WDFY4: variants seen among roughly 807,000 people sequenced by gnomAD.
WDFY4 encodes WDFY family member 4, also known as WD repeat- and FYVE domain-containing protein 4.
In WDFY4, 169 loss-of-function variants were observed where a neutral mutation model predicts 351.9. The ratio of observed to expected loss-of-function variants is 0.48; its 90% CI spans 0.42 to 0.55. The LOEUF (loss-of-function observed/expected upper bound fraction) is 0.55. Among genes scored for constraint, WDFY4 ranks in the 20% least tolerant of loss-of-function variants. The pLI, the probability that WDFY4 is intolerant of heterozygous loss-of-function variation, is 0.00. For synonymous variants in WDFY4, 1,622 were observed against 1,574.6 expected (o/e 1.03, Z -0.71); for missense variants, 3,803 against 3,935.6 (o/e 0.97, Z 0.90).
At chr10:48,766,581 G>T (rs1195949844) in intron 13 of WDFY4, among the ~76,000 whole-genome samples, 1 of 152,012 alleles carries the variant, frequency 6.6e-6, no homozygotes, top group East Asian at 1.9e-4. Context: ...GTGACAGAGT[G>T]AGACCTTGTC....
intron 5 of WDFY4, 34 bp downstream of exon 5, chr10:48,723,601 C>G: frequency 6.4e-7 from 1 of 1,550,522 alleles, no homozygotes; most frequent in Non-Finnish European, 8.7e-7. Flanking sequence ...TTCCCTGGGT[C>G]AAAACCTCAC....
chr10:48,784,661 A>G (rs1419878740), intron 19 of WDFY4, among the ~76,000 whole-genome samples: 1 of 141,442 alleles, frequency 7.1e-6, no homozygotes, highest in Non-Finnish European at 1.5e-5. Flanking sequence ...TCTGCTTCAG[A>G]ATCCAGAGTT....
intron 1 of WDFY4, among the ~76,000 whole-genome samples, chr10:48,690,883 C>T (rs2063175553): frequency 6.6e-6 from 1 of 152,172 alleles, no homozygotes; most frequent in Non-Finnish European, 1.5e-5. Context: ...CAACACAAGT[C>T]CCCACTCTGG....
intron 2 of WDFY4, 77 bp from the exon 3 acceptor site, chr10:48,719,934 A>AG: frequency 2.2e-6 from 3 of 1,339,842 alleles, no homozygotes; most frequent in South Asian, 1.3e-5. Flanking sequence ...GGGCTGGTGA[A>AG]GGGTGGCATG....
intron 47 of WDFY4, among the ~76,000 whole-genome samples, chr10:48,930,538 G>A (rs952802178): frequency 6.6e-6 from 1 of 152,194 alleles, no homozygotes; most frequent in East Asian, 1.9e-4. Context: ...GCAAAGAGAC[G>A]AGATGAAGCA....
intron 35 of WDFY4, 27 bp from the exon 36 acceptor site, chr10:48,826,644 T>C (rs921760244): frequency 6.6e-7 from 1 of 1,506,854 alleles, no homozygotes; most frequent in African/African-American, 1.4e-5. Context: ...CAAGTTTGTG[T>C]ATGTGTATGT....
chr10:48,971,032 G>T (rs993044536), intron 57 of WDFY4, among the ~76,000 whole-genome samples: 4 of 152,138 alleles, frequency 2.6e-5, no homozygotes, highest in Non-Finnish European at 5.9e-5. Context: ...GGAAACTGAG[G>T]CTCAGAACAG....
At chr10:48,824,396 T>G (rs1026215389) in intron 35 of WDFY4, among the ~76,000 whole-genome samples, 1 of 152,236 alleles carries the variant, frequency 6.6e-6, no homozygotes, top group Admixed American at 6.5e-5. Flanking sequence ...TAATGACACA[T>G]AGCTATTTTT....
chr10:48,787,873 TCTTTCTTTCTTCTTCTTCTC>T (rs2066479461), intron 20 of WDFY4, among the ~76,000 whole-genome samples: 1 of 124,890 alleles, frequency 8.0e-6, no homozygotes, highest in African/African-American at 4.1e-5. Flanking sequence ...TCTTCTTTCT[TCTTTCTTTCTTCTTCTTCTC>T]CTTCTTCTTC....
In WDFY4 at chr10:48,810,708, A is replaced by C; in HGVS notation, c.5017A>C (p.Ser1673Arg). 6.5e-7 allele frequency: 1 copy of C among 1,546,720 alleles called. No homozygotes were observed. The highest frequency in any genetic ancestry group is 1.2e-5 in the South Asian group (1 of 83,450). Residue 1673 changes from serine to arginine, a missense_variant, in exon 29 of 62, where the codon AGC becomes CGC. Transcript: ENST00000325239. ...GLCAGSWVER[S>R]TEGVDIVMDN... ...GTGTGCAGGATCCTGGGTGGAACGC[A>C]GCACTGAGGGCGTGGATATTGTAAT... is the stretch of plus-strand genomic sequence containing the variant.
intron 45 of WDFY4, among the ~76,000 whole-genome samples, chr10:48,898,714 T>A (rs1384626739): frequency 2.0e-5 from 3 of 152,186 alleles, no homozygotes; most frequent in Non-Finnish European, 4.4e-5. Context: ...TTCCTCCCTC[T>A]GCTGCTTTTG....
intron 18 of WDFY4, among the ~76,000 whole-genome samples, chr10:48,779,554 C>A (rs1033551797): frequency 6.6e-6 from 1 of 152,182 alleles, no homozygotes; most frequent in Non-Finnish European, 1.5e-5. Context: ...ACTCGGCCTA[C>A]AATGGAGTCT....
At chr10:48,787,786 TTCC>T (rs771377133) in intron 20 of WDFY4, among the ~76,000 whole-genome samples, 2,953 of 88,372 alleles carry the variant, frequency 0.033, 163 homozygotes, top group Middle Eastern at 0.068. Flanking sequence ...TTTCTTCCTC[TTCC>T]TCCTCCTCCT....
intron 19 of WDFY4, among the ~76,000 whole-genome samples, chr10:48,781,612 A>G (rs1272959881): frequency 6.6e-6 from 1 of 152,166 alleles, no homozygotes; most frequent in East Asian, 1.9e-4. Flanking sequence ...AAAGATTTTG[A>G]CAGGGGCATT....
intron 2 of WDFY4, among the ~76,000 whole-genome samples, chr10:48,715,417 C>T (rs1325163394): frequency 6.6e-6 from 1 of 152,152 alleles, no homozygotes; most frequent in East Asian, 1.9e-4. Context: ...TGAACACTAA[C>T]TTAGTTGTAT....
At chr10:48,913,608 C>G in intron 47 of WDFY4, 1 of 1,614,116 alleles carries the variant, frequency 6.2e-7, no homozygotes, top group Non-Finnish European at 8.5e-7. Context: ...TTCCGACTCA[C>G]CTGGCTTTGG....
intron 61 of WDFY4, among the ~76,000 whole-genome samples, 190 bp downstream of exon 61, chr10:48,981,668 GTTGTTGT>G (rs1357434203): frequency 6.6e-6 from 1 of 152,214 alleles, no homozygotes; most frequent in Admixed American, 6.5e-5. Flanking sequence ...TCAGGGTTTT[GTTGTTGT>G]TTGTTTTGCT....
At chr10:48,770,033 G>A (rs2065809492) in intron 13 of WDFY4, among the ~76,000 whole-genome samples, 1 of 152,178 alleles carries the variant, frequency 6.6e-6, no homozygotes, top group Non-Finnish European at 1.5e-5. Context: ...TGTAGGAGGA[G>A]AAACCACACT....
At chr10:48,785,303 T>A (rs2066370013) in intron 19 of WDFY4, among the ~76,000 whole-genome samples, 1 of 152,206 alleles carries the variant, frequency 6.6e-6, no homozygotes, top group African/African-American at 2.4e-5. Context: ...GTCTGTAGCA[T>A]GTCTTTTAAT....
Sources: gnomAD v4.1 joint callset for allele counts (sites outside exome capture counted in the v4.1 genomes callset) on GRCh38, gnomAD v4.1.1 for gene constraint, MANE v1.5 for transcripts, NCBI Gene and HGNC (gene_info 2026-07-23, HGNC 2026-07-21) for gene names.